The following COL20A1 variants were observed in gnomAD, a reference collection of about 807,000 sequenced individuals.
COL20A1 encodes collagen alpha-1(XX) chain.
Under a neutral mutation model 152.9 loss-of-function variants are expected in COL20A1, and 164 were observed. The observed-to-expected ratio is 1.07, with a 90% CI of 0.94 to 1.22. The LOEUF (loss-of-function observed/expected upper bound fraction) is 1.22. Among genes scored for constraint, COL20A1 ranks in the 50% most tolerant of loss-of-function variants. The pLI is 0.00. For missense variants in COL20A1, 1,873 were observed against 1,744.8 expected, an observed-to-expected ratio of 1.07 and a Z score of -1.31; for synonymous variants, 864 against 756.0, an observed-to-expected ratio of 1.14 and a Z score of -2.34.
chr20:63,297,419 C>T (rs1310338430), intron 2 of COL20A1, among the ~76,000 whole-genome samples: 1 of 151,644 alleles, frequency 6.6e-6, no homozygotes, highest in Non-Finnish European at 1.5e-5. Flanking sequence ...GGCCCCAGCC[C>T]AGGGGACTTA....
chr20:63,293,761 C>T (rs1010173259), intron 1 of COL20A1, among the ~76,000 whole-genome samples: 4 of 151,984 alleles, frequency 2.6e-5, no homozygotes, highest in African/African-American at 9.7e-5. Flanking sequence ...CCTTGGCCGG[C>T]CGGGCGGGCA....
intron 3 of COL20A1, among the ~76,000 whole-genome samples, chr20:63,302,180 G>A (rs1426874991): frequency 2.0e-5 from 3 of 152,052 alleles, no homozygotes; most frequent in African/African-American, 7.2e-5. Context: ...ATATAATCCT[G>A]TCTATAAATA....
intron 31 of COL20A1, chr20:63,327,070 A>AGGACTTCCTGTCGCTCTCCCAG (rs1393810961): frequency 2.1e-5 from 9 of 432,200 alleles, no homozygotes; most frequent in Non-Finnish European, 3.7e-5. Context: ...TGACCACCCA[A>AGGACTTCCTGTCGCTCTCCCAG]GGACTTCCTG....
chr20:63,309,644 C>T, intron 9 of COL20A1, 114 bp from the exon 10 acceptor site: 1 of 1,275,892 alleles, frequency 7.8e-7, no homozygotes. Flanking sequence ...CATCTGTCCA[C>T]AGAAGGGCTG....
chr20:63,309,569 G>A (rs1414863472), intron 9 of COL20A1, 72 bp downstream of exon 9: 1 of 1,379,750 alleles, frequency 7.2e-7, no homozygotes, highest in Non-Finnish European at 9.5e-7. Flanking sequence ...GGGGGACGCT[G>A]TGGCTCCCGT....
chr20:63,314,559 C>G (rs2068059504), intron 19 of COL20A1, among the ~76,000 whole-genome samples: 1 of 152,186 alleles, frequency 6.6e-6, no homozygotes, highest in Admixed American at 6.5e-5. Context: ...TCTGGGCTTC[C>G]CATTGTGGGG....
Position 63,319,856 on chromosome 20 carries a change from G to A in COL20A1, c.2917-183G>A, listed in dbSNP as rs1483368041. 1.3e-5 allele frequency among the ~76,000 whole-genome samples: 2 copies of A among 152,152 alleles called. No individual in the cohort carries two copies. Among genetic ancestry groups the A allele is most frequent in the Non-Finnish European group, 2.9e-5 (2 of 68,000 alleles). ...GGTGCCATTTGGTCCATTTTACAGA[G>A]GGGAAGCCGAGGCCCAGCAAGGGGG... On this transcript the variant is annotated intron_variant, in intron 23 of 35. Coordinates refer to ENST00000358894, the MANE Select transcript of COL20A1 (RefSeq NM_020882.4). The surrounding 1 kb of genome is among the most constrained non-coding windows in gnomAD (Gnocchi z 4.4).
Position 63,313,937 on chromosome 20 carries a change from C to A in COL20A1, c.2358+46C>A, listed in dbSNP as rs749526747. On this transcript the variant is annotated intron_variant, in intron 18 of 35. Transcript: ENST00000358894. The surrounding 1 kb of genome is among the most constrained non-coding windows in gnomAD (Gnocchi z 5.9). Reference sequence around the variant, plus strand: ...AGGCTGCCCCACCTCGTGGGGCCTCCTGGAAGGGGTATGGCCACACTGTCT... The same window carrying A: ...AGGCTGCCCCACCTCGTGGGGCCTCATGGAAGGGGTATGGCCACACTGTCT... 1.9e-6 allele frequency: 3 copies of A among 1,582,178 alleles called. No individual in the cohort carries two copies. The African/African-American group carries it at 4.0e-5, about 21-fold the overall frequency.
intron 2 of COL20A1, among the ~76,000 whole-genome samples, chr20:63,297,529 G>A (rs965319021): frequency 4.6e-5 from 7 of 152,050 alleles, no homozygotes; most frequent in African/African-American, 1.7e-4. Flanking sequence ...TTGGCTCGGG[G>A]CCTCCGATCA....
chr20:63,315,278 A>C, intron 19 of COL20A1, 126 bp from the exon 20 acceptor site: 1 of 930,290 alleles, frequency 1.1e-6, no homozygotes, highest in Non-Finnish European at 1.7e-6. Context: ...GACATAGCAC[A>C]GTCCCACCTA....
intron 31 of COL20A1, chr20:63,327,715 C>T: frequency 1.7e-6 from 1 of 580,292 alleles, no homozygotes; most frequent in Non-Finnish European, 3.1e-6. Context: ...CTTTGTGGCA[C>T]AAGTTCCAGC....
At chr20:63,326,023 G>A (rs2068241613) in intron 29 of COL20A1, 73 bp from the exon 30 acceptor site, 1 of 1,336,740 alleles carries the variant, frequency 7.5e-7, no homozygotes, top group Non-Finnish European at 1.1e-6. Context: ...GGGTGCTGCT[G>A]GGGGGCTGTC....
intron 2 of COL20A1, among the ~76,000 whole-genome samples, chr20:63,296,638 G>T (rs1175802799): frequency 6.6e-6 from 1 of 152,246 alleles, no homozygotes; most frequent in Non-Finnish European, 1.5e-5. Context: ...GGGAGCTGGG[G>T]AAGGGGTCCC....
rs377346401 is a variant in COL20A1 at position 63,321,728 on chromosome 20, G to T, written c.3241-330G>T. 1.4e-3 allele frequency among the ~76,000 whole-genome samples: 208 copies of T among 152,316 alleles called. 3 individuals are homozygous for T. In the South Asian group the frequency reaches 0.042, roughly 31 times the overall value. ...TGCAGCTGCCTCTGCTCACCCCAAGGTTCCAGCGCCCCACAGGTGACGGCT... is the reference window on the plus strand; with the variant it reads ...TGCAGCTGCCTCTGCTCACCCCAAGTTTCCAGCGCCCCACAGGTGACGGCT... On this transcript the variant is annotated intron_variant, in intron 26 of 35. Coordinates refer to ENST00000358894, the MANE Select transcript of COL20A1 (RefSeq NM_020882.4).
chr20:63,321,897 C>G (rs1391807359), intron 26 of COL20A1, among the ~76,000 whole-genome samples, 161 bp from the exon 27 acceptor site: 2 of 152,112 alleles, frequency 1.3e-5, no homozygotes, highest in African/African-American at 2.4e-5. Flanking sequence ...GCGTCCTTGC[C>G]CTGGAAACCC....
At position 63,314,080 on chromosome 20, in the gene COL20A1, G is replaced by A; in HGVS notation, c.2367G>A (p.Val789=). The A allele has an allele frequency of 6.2e-7, 1 of 1,612,684 alleles. No homozygotes were observed. The highest frequency in any genetic ancestry group is 8.5e-7 in the Non-Finnish European group (1 of 1,179,746). The change falls in exon 19 of 36, where the codon GTG becomes GTA. Residue 789 remains valine (V), a synonymous_variant. Coordinates refer to ENST00000358894, the MANE Select transcript of COL20A1 (RefSeq NM_020882.4). ...SGLGPEKSVS[V]PGARSHVTLP... ...ACCCTCCCTTCTCCTAGGTCTCTGT[G>A]CCAGGAGCCAGGAGCCACGTGACAC...
Position 63,307,612 on chromosome 20 carries a change from G to C in COL20A1, c.619G>C (p.Ala207Pro). Residue 207 changes from alanine to proline, a missense_variant, in exon 6 of 36, where the codon GCA becomes CCA. Transcript: ENST00000358894. The stretch of plus-strand genomic sequence containing the variant: ...CAAGGACTTCCTGGCCAGTGTCATC[G>C]CACCCTTTGAAATCGGGCCGGATAA... ...QVKDFLASVI[A>P]PFEIGPDKVQ... The C allele has an allele frequency of 6.2e-7, 1 of 1,612,560 alleles. No homozygotes were observed. Among genetic ancestry groups the C allele is most frequent in the Non-Finnish European group, 8.5e-7 (1 of 1,179,692 alleles).
At chr20:63,308,424 G>A in intron 7 of COL20A1, 118 bp from the exon 8 acceptor site, 1 of 1,040,246 alleles carries the variant, frequency 9.6e-7, no homozygotes, top group Non-Finnish European at 1.4e-6. Context: ...CTGCTGCGGG[G>A]CCTCCTGATA....
At position 63,319,644 on chromosome 20, in the gene COL20A1, G is replaced by T; in HGVS notation, c.2916+48G>T. 7.2e-7 allele frequency: 1 copy of T among 1,385,092 alleles called. No homozygotes were observed. Among genetic ancestry groups the T allele is most frequent in the Non-Finnish European group, 1.0e-6 (1 of 1,000,444 alleles). 85.8% of individuals were successfully genotyped at this position (1,385,092 alleles called of 1,614,324 possible). On this transcript the variant is annotated intron_variant, in intron 23 of 35. Transcript: ENST00000358894. This position sits in a 1 kb window ranked among gnomAD's most constrained non-coding sequence, Gnocchi z 4.4. ...TCTCCCCCGTTCCCCCAGCTCTGGG[G>T]CAGCCCAGCCCCACAGGGACCTGCC... is the stretch of plus-strand genomic sequence containing the variant.
Sources: allele counts gnomAD v4.1 joint callset (sites outside exome capture counted in the v4.1 genomes callset), GRCh38; gene constraint gnomAD v4.1.1; non-coding constraint Gnocchi (gnomAD v3.1); transcripts MANE v1.5; gene names NCBI Gene and HGNC (gene_info 2026-07-23, HGNC 2026-07-21).